The following ADAMTSL1 variants were observed in gnomAD, a reference collection of about 807,000 sequenced individuals.
ADAMTSL1 encodes ADAMTS like 1.
ADAMTSL1 carries 126 observed loss-of-function variants against 201.8 expected under a neutral mutation model. The ratio of observed to expected loss-of-function variants is 0.62; its 90% confidence interval spans 0.54 to 0.72. ADAMTSL1 has a LOEUF of 0.72. Ranked by LOEUF, ADAMTSL1 falls within the 30% of genes least tolerant of loss-of-function variation. The pLI is 0.00. For missense variants in ADAMTSL1, 2,679 were observed against 2,277.8 expected (o/e 1.18, Z -3.59); for synonymous variants, 1,121 against 903.4 (o/e 1.24, Z -4.32).
At chr9:18,218,549 C>G (rs1470316262) in intron 2 of ADAMTSL1, among the ~76,000 whole-genome samples, 1 of 152,106 alleles carries the variant, frequency 6.6e-6, no homozygotes, top group Non-Finnish European at 1.5e-5. Flanking sequence ...GAACTTCATG[C>G]TTGTTGACCA....
intron 1 of ADAMTSL1, among the ~76,000 whole-genome samples, chr9:18,012,130 ACTTGT>A (rs1317591414): frequency 1.3e-5 from 2 of 151,926 alleles, no homozygotes; most frequent in Non-Finnish European, 2.9e-5. Flanking sequence ...ATTCATAAAA[ACTTGT>A]CTTGTGAGAG....
chr9:18,093,101 C>G (rs995692803), intron 1 of ADAMTSL1, among the ~76,000 whole-genome samples: 1 of 152,112 alleles, frequency 6.6e-6, no homozygotes, highest in African/African-American at 2.4e-5. Context: ...CATAGTGGAA[C>G]TGCATAGGTA....
At chr9:18,593,789 G>GT (rs57398513) in intron 4 of ADAMTSL1, among the ~76,000 whole-genome samples, 44 of 150,572 alleles carry the variant, frequency 2.9e-4, no homozygotes, top group Admixed American at 2.3e-3. Flanking sequence ...ATTATTTCAG[G>GT]TTTTTTTTTA....
At chr9:18,475,763 T>C (rs1246688860) in intron 1 of ADAMTSL1, among the ~76,000 whole-genome samples, 2 of 152,126 alleles carry the variant, frequency 1.3e-5, no homozygotes, top group Non-Finnish European at 2.9e-5. Context: ...TTTTTTTAAG[T>C]GTGTGTTATT....
chr9:18,068,132 G>A (rs1007890866), intron 1 of ADAMTSL1, among the ~76,000 whole-genome samples: 1 of 152,090 alleles, frequency 6.6e-6, no homozygotes, highest in African/African-American at 2.4e-5. Flanking sequence ...CGTACTTCCT[G>A]TGAATCAGTA....
At chr9:18,686,525 T>G (rs1407997818) in intron 13 of ADAMTSL1, among the ~76,000 whole-genome samples, 2 of 152,214 alleles carry the variant, frequency 1.3e-5, no homozygotes, top group Non-Finnish European at 2.9e-5. Context: ...TAAGGTCCTA[T>G]TTAAGACACA....
intron 1 of ADAMTSL1, among the ~76,000 whole-genome samples, chr9:18,125,386 A>G (rs185225828): frequency 3.5e-4 from 54 of 152,316 alleles, no homozygotes; most frequent in Non-Finnish European, 7.6e-4. Context: ...TGTGGGAGTT[A>G]AATTCAAGTT....
At chr9:18,125,575 G>T (rs1438098196) in intron 1 of ADAMTSL1, among the ~76,000 whole-genome samples, 1 of 152,056 alleles carries the variant, frequency 6.6e-6, no homozygotes, top group African/African-American at 2.4e-5. Context: ...ATTTAGATCT[G>T]TGATCCATTT....
At chr9:18,473,117 A>G (rs1330078167), upstream of ADAMTSL1, among the ~76,000 whole-genome samples, 1 of 152,146 alleles carries the variant, frequency 6.6e-6, no homozygotes, top group Non-Finnish European at 1.5e-5. Flanking sequence ...CCCTCTTGCA[A>G]TAGTGGATGG....
Position 18,437,864 on chromosome 9 carries a change from C to A in ADAMTSL1, c.208-66965C>A, listed in dbSNP as rs141292742. Among the ~76,000 whole-genome samples, 44 of 152,244 alleles carry A rather than the reference C, an allele frequency of 2.9e-4. 1 individual carries two copies. Among genetic ancestry groups the A allele is most frequent in the Non-Finnish European group, 5.3e-4 (36 of 68,014 alleles). ...GGGCTAATCTGAGACTGAAAGTTGC[C>A]ACTAAATCCTGATTAAGCATGACTT... On this transcript the variant is annotated intron_variant, in intron 2 of 29. Coordinates refer to the ADAMTSL1 transcript ENST00000680146.
chr9:18,112,014 T>A (rs1825045687), intron 1 of ADAMTSL1, among the ~76,000 whole-genome samples: 1 of 152,202 alleles, frequency 6.6e-6, no homozygotes, highest in Non-Finnish European at 1.5e-5. Flanking sequence ...CCCTTTAGCT[T>A]TCAGTGTTCC....
intron 1 of ADAMTSL1, among the ~76,000 whole-genome samples, chr9:18,112,942 C>A (rs1056605808): frequency 5.3e-5 from 8 of 152,112 alleles, no homozygotes; most frequent in African/African-American, 1.9e-4. Flanking sequence ...GTGGCTTGAA[C>A]TTGTACAGTC....
chr9:18,432,149 C>G (rs1340538189), intron 2 of ADAMTSL1, among the ~76,000 whole-genome samples: 1 of 152,156 alleles, frequency 6.6e-6, no homozygotes, highest in African/African-American at 2.4e-5. Flanking sequence ...TTTAGCTACT[C>G]ATCTCAGTTG....
intron 21 of ADAMTSL1, among the ~76,000 whole-genome samples, chr9:18,819,377 A>C (rs1824066884): frequency 6.6e-6 from 1 of 151,856 alleles, no homozygotes; most frequent in Admixed American, 6.6e-5. Flanking sequence ...AGTCACTTGA[A>C]CCTAGGAAGC....
chr9:17,914,902 A>G (rs149512544), intron 1 of ADAMTSL1, among the ~76,000 whole-genome samples: 26 of 152,284 alleles, frequency 1.7e-4, no homozygotes, highest in African/African-American at 6.0e-4. Flanking sequence ...AGCCAAACCA[A>G]CTAAAATTCT....
rs137968583 is a variant in ADAMTSL1 at position 18,580,960 on chromosome 9, A to ATTT, written c.474+6702_474+6704dup. On this transcript the variant is annotated intron_variant, in intron 4 of 28. Coordinates refer to ENST00000380548, the MANE Select transcript of ADAMTSL1 (RefSeq NM_001040272.6). ...CATCTGCTTGAATCATTTCAATTGC[A>ATTT]TTTTTTTTTTGCCTTCAGGTTAAAA... Among the ~76,000 whole-genome samples, 3 of 147,550 alleles carry ATTT rather than the reference A, an allele frequency of 2.0e-5. No individual in the cohort carries two copies. The South Asian group carries it at 6.4e-4, about 32-fold the overall frequency.
intron 18 of ADAMTSL1, among the ~76,000 whole-genome samples, chr9:18,776,563 G>C (rs1007001642): frequency 6.6e-6 from 1 of 152,118 alleles, no homozygotes; most frequent in African/African-American, 2.4e-5. Flanking sequence ...TCCACAGCCG[G>C]GAATGAGGTC....
chr9:18,529,727 C>T (rs533509674), intron 2 of ADAMTSL1, among the ~76,000 whole-genome samples: 126 of 152,172 alleles, frequency 8.3e-4, no homozygotes, highest in Non-Finnish European at 1.5e-3. Flanking sequence ...ATAATGATCA[C>T]CTTGCCATAC....
intron 1 of ADAMTSL1, among the ~76,000 whole-genome samples, chr9:17,962,338 C>A (rs1006857973): frequency 2.0e-5 from 3 of 152,168 alleles, no homozygotes; most frequent in African/African-American, 7.2e-5. Flanking sequence ...ACCTTTTGAA[C>A]ACTTTCCTGT....
Sources: gnomAD v4.1 joint callset for allele counts (sites outside exome capture counted in the v4.1 genomes callset) on GRCh38, gnomAD v4.1.1 for gene constraint, MANE v1.5 for transcripts, NCBI Gene and HGNC (gene_info 2026-07-23, HGNC 2026-07-21) for gene names.